Variants in FHOD3 observed in about 807,000 individuals in gnomAD.
The protein encoded by FHOD3 is formin homology 2 domain containing 3, also known as FH1/FH2 domain-containing protein 3.
A neutral mutation model predicts 173.0 loss-of-function variants in FHOD3; 90 were observed. That is an observed-to-expected ratio of 0.52 (90% CI 0.44 to 0.62). The LOEUF (loss-of-function observed/expected upper bound fraction) is 0.62. FHOD3 is among the 20% of genes least tolerant of loss of function. FHOD3 has a pLI of 0.00. For synonymous variants in FHOD3, 828 were observed against 823.0 expected, an observed-to-expected ratio of 1.01 and a Z score of -0.10; for missense variants, 1,945 against 2,034.7, an observed-to-expected ratio of 0.96 and a Z score of 0.85.
intron 19 of FHOD3, among the ~76,000 whole-genome samples, chr18:36,724,980 C>T (rs1181165896): frequency 1.3e-5 from 2 of 152,242 alleles, no homozygotes; most frequent in African/African-American, 4.8e-5. Context: ...TCCTTGAGCA[C>T]TTCTGGACAT....
At chr18:36,551,909 A>G (rs544920532) in intron 5 of FHOD3, among the ~76,000 whole-genome samples, 8 of 152,260 alleles carry the variant, frequency 5.3e-5, no homozygotes, top group African/African-American at 1.9e-4. Flanking sequence ...GCCTTGTAGT[A>G]TAGTTTGAAG....
intron 3 of FHOD3, among the ~76,000 whole-genome samples, chr18:36,428,163 C>G (rs2050350185): frequency 6.6e-6 from 1 of 152,052 alleles, no homozygotes. Flanking sequence ...TAGCTCGCCT[C>G]TAAGGCATGT....
At chr18:36,529,968 A>G (rs982714589) in intron 5 of FHOD3, among the ~76,000 whole-genome samples, 10 of 150,850 alleles carry the variant, frequency 6.6e-5, no homozygotes, top group Admixed American at 5.9e-4. Flanking sequence ...ACACTGCTCA[A>G]TGTTGAAAAC....
At chr18:36,299,389 C>A (rs2091897527) in intron 1 of FHOD3, among the ~76,000 whole-genome samples, 3 of 152,158 alleles carry the variant, frequency 2.0e-5, no homozygotes, top group Admixed American at 1.3e-4. Context: ...TTATTTGGTT[C>A]TTCTCAATTA....
chr18:36,559,665 C>T (rs958059170), intron 5 of FHOD3, among the ~76,000 whole-genome samples: 1 of 152,126 alleles, frequency 6.6e-6, no homozygotes, highest in African/African-American at 2.4e-5. Flanking sequence ...TTTTGGTTTT[C>T]ATCATTATCA....
At chr18:36,524,868 G>C (rs976124159) in intron 5 of FHOD3, among the ~76,000 whole-genome samples, 2 of 152,162 alleles carry the variant, frequency 1.3e-5, no homozygotes, top group Non-Finnish European at 2.9e-5. Context: ...CTACCTCATT[G>C]CTTTATGTGA....
At chr18:36,752,134 T>G (rs941465830) in intron 24 of FHOD3, among the ~76,000 whole-genome samples, 1 of 152,122 alleles carries the variant, frequency 6.6e-6, no homozygotes, top group Non-Finnish European at 1.5e-5. Flanking sequence ...GAGATCTTAC[T>G]CTCACAAGAA....
At chr18:36,579,698 A>G (rs1041136689) in intron 6 of FHOD3, among the ~76,000 whole-genome samples, 1 of 152,212 alleles carries the variant, frequency 6.6e-6, no homozygotes, top group Non-Finnish European at 1.5e-5. Context: ...AAGATACAGC[A>G]ACAGGCACCA....
At chr18:36,555,801 C>T (rs2057855975) in intron 5 of FHOD3, among the ~76,000 whole-genome samples, 1 of 152,144 alleles carries the variant, frequency 6.6e-6, no homozygotes, top group Non-Finnish European at 1.5e-5. Flanking sequence ...CATTCTTCAT[C>T]TCTGGCAATA....
chr18:36,769,580 G>A (rs896132302), intron 28 of FHOD3, among the ~76,000 whole-genome samples, 154 bp downstream of exon 28: 1 of 152,210 alleles, frequency 6.6e-6, no homozygotes, highest in Non-Finnish European at 1.5e-5. Flanking sequence ...TTTCAGGGTT[G>A]GCTGTTGACG....
intron 17 of FHOD3, among the ~76,000 whole-genome samples, chr18:36,705,966 TGTGTGTGTG>T (rs2039855359): frequency 6.7e-6 from 1 of 150,274 alleles, no homozygotes; most frequent in African/African-American, 2.4e-5. Context: ...TGTGTGTGTG[TGTGTGTGTG>T]TGTGTGTGTG....
intron 5 of FHOD3, among the ~76,000 whole-genome samples, chr18:36,538,674 A>G (rs1457212071): frequency 6.6e-6 from 1 of 152,262 alleles, no homozygotes; most frequent in Admixed American, 6.5e-5. Flanking sequence ...ACTTGGATGG[A>G]TCTCCAAGGC....
Position 36,744,129 on chromosome 18 carries a change from T to C in FHOD3, c.3977T>C (p.Val1326Ala), listed in dbSNP as rs200566120. 1 of 1,613,946 alleles carries C rather than the reference T, an allele frequency of 6.2e-7. No individual in the cohort carries two copies. Among genetic ancestry groups the C allele is most frequent in the African/African-American group, 1.3e-5 (1 of 75,020 alleles). Residue 1326 changes from valine (V) to alanine (A), a missense_variant, in exon 23 of 29, where the codon GTA (valine) becomes GCA (alanine). By Grantham distance (64) the Val-to-Ala change is moderately conservative. Transcript: ENST00000590592. ...CTCCACCATGTGTGCACCATGGTGG[T>C]AGAAAACTTCCCAGACAGCTCCGAT... ...SLLHHVCTMV[V>A]ENFPDSSDLY...
At chr18:36,616,770 G>T (rs1484136979) in intron 9 of FHOD3, among the ~76,000 whole-genome samples, 1 of 152,142 alleles carries the variant, frequency 6.6e-6, no homozygotes, top group African/African-American at 2.4e-5. Flanking sequence ...CACTTATTCT[G>T]TGAGCTAACA....
chr18:36,355,752 C>T (rs1050426623), intron 2 of FHOD3, 107 bp downstream of exon 2: 1 of 866,216 alleles, frequency 1.2e-6, no homozygotes, highest in Middle Eastern at 3.3e-4. Context: ...TTGACCTTCT[C>T]TTAATTCTCA....
At chr18:36,432,620 G>A (rs1301805285) in intron 3 of FHOD3, among the ~76,000 whole-genome samples, 1 of 152,196 alleles carries the variant, frequency 6.6e-6, no homozygotes, top group African/African-American at 2.4e-5. Flanking sequence ...CTCAGGCCAT[G>A]ATGGGGTCAC....
chr18:36,469,462 C>T (rs17650811), intron 3 of FHOD3, among the ~76,000 whole-genome samples: 73,186 of 151,646 alleles, frequency 0.48, 18,559 homozygotes, highest in South Asian at 0.6. Flanking sequence ...TGTTGCTCCC[C>T]TGATCCCATG....
intron 25 of FHOD3, among the ~76,000 whole-genome samples, chr18:36,758,041 GCCAATATTTTATATATGTAGCA>G (rs2042707039): frequency 6.6e-6 from 1 of 152,164 alleles, no homozygotes. Flanking sequence ...TGTTGAGCGG[GCCAATATTTTATATATGTAGCA>G]CCTTGAACAT....
At chr18:36,749,945 CTT>C (rs1023629207) in intron 24 of FHOD3, among the ~76,000 whole-genome samples, 1 of 147,336 alleles carries the variant, frequency 6.8e-6, no homozygotes, top group Admixed American at 6.8e-5. Context: ...GATGTTGAGC[CTT>C]TTTTTTTTCC....
Sources: gnomAD v4.1 joint callset for allele counts (sites outside exome capture counted in the v4.1 genomes callset) on GRCh38, gnomAD v4.1.1 for gene constraint, MANE v1.5 for transcripts, NCBI Gene and HGNC (gene_info 2026-07-23, HGNC 2026-07-21) for gene names.